CDH4: variants seen among roughly 807,000 people sequenced by gnomAD.
The protein encoded by CDH4 is cadherin-4.
CDH4 carries 33 observed loss-of-function variants against 86.0 expected under a neutral mutation model. The ratio of observed to expected loss-of-function variants is 0.38; its 90% CI spans 0.29 to 0.51. The LOEUF (loss-of-function observed/expected upper bound fraction) is 0.51, where lower values mean the gene tolerates loss of function less well. Ranked by LOEUF, CDH4 falls within the 20% of genes least tolerant of loss-of-function variation. The pLI is 0.86. For synonymous variants in CDH4, 555 were observed against 549.4 expected (o/e 1.01, Z -0.14); for missense variants, 1,114 against 1,307.4 (o/e 0.85, Z 2.28).
Position 61,406,229 on chromosome 20 carries a change from G to A in CDH4, c.169+151292G>A, listed in dbSNP as rs373502744. On this transcript the variant is annotated intron_variant, in intron 2 of 15. Transcript: ENST00000614565. ...CCCCAGACCACCATCTGCTCTACCC[G>A]GACCACCATCTGCTCTACCCGGACC... is the stretch of plus-strand genomic sequence containing the variant. 3.4e-5 allele frequency among the ~76,000 whole-genome samples: 5 copies of A among 146,576 alleles called. No homozygotes were observed. The East Asian group carries it at 5.9e-4, about 17-fold the overall frequency.
At chr20:61,569,972 C>T (rs1294342766) in intron 2 of CDH4, among the ~76,000 whole-genome samples, 5 of 152,186 alleles carry the variant, frequency 3.3e-5, no homozygotes, top group African/African-American at 1.2e-4. Context: ...CTGGGTAAAA[C>T]ACTCCTCTCT....
Position 61,393,943 on chromosome 20 carries a change from A to C in CDH4, c.169+139006A>C, listed in dbSNP as rs1177418399. Among the ~76,000 whole-genome samples, 1 of 152,168 alleles carries C rather than the reference A, an allele frequency of 6.6e-6. No individual in the cohort carries two copies. Among genetic ancestry groups the C allele is most frequent in the Non-Finnish European group, 1.5e-5 (1 of 68,040 alleles). ...TTAACATCATCATAATGACTGCCCC[A>C]TATTCTATTATACCAATGTAATCTA... is the stretch of plus-strand genomic sequence containing the variant. On this transcript the variant is annotated intron_variant, in intron 2 of 15. Transcript: ENST00000614565. The surrounding 1 kb of genome is among the most constrained non-coding windows in gnomAD (Gnocchi z 4.3).
At chr20:61,793,815 G>A (rs1979357912) in intron 4 of CDH4, among the ~76,000 whole-genome samples, 1 of 147,428 alleles carries the variant, frequency 6.8e-6, no homozygotes, top group African/African-American at 2.5e-5. Flanking sequence ...CTCCAGCTTG[G>A]GCGACAGAGT....
intron 2 of CDH4, among the ~76,000 whole-genome samples, chr20:61,334,259 A>T (rs1426566800): frequency 6.6e-6 from 1 of 152,190 alleles, no homozygotes; most frequent in African/African-American, 2.4e-5. Flanking sequence ...CTCATGGAGT[A>T]CTTCCTATTT....
intron 2 of CDH4, among the ~76,000 whole-genome samples, chr20:61,342,707 G>A (rs1359215744): frequency 3.3e-5 from 5 of 152,310 alleles, no homozygotes; most frequent in African/African-American, 1.2e-4. Flanking sequence ...CCCTGGCTGG[G>A]AAGGATGGGC....
chr20:61,575,231 C>T (rs1052146367), intron 2 of CDH4, among the ~76,000 whole-genome samples: 1 of 152,206 alleles, frequency 6.6e-6, no homozygotes, highest in Admixed American at 6.5e-5. Flanking sequence ...GTTGACTCTT[C>T]AGTCATGATG....
intron 2 of CDH4, among the ~76,000 whole-genome samples, chr20:61,639,764 C>G (rs2086986072): frequency 6.6e-6 from 1 of 152,002 alleles, no homozygotes; most frequent in Non-Finnish European, 1.5e-5. Context: ...ACTCTTGGAT[C>G]TGTGAACAGC....
intron 2 of CDH4, among the ~76,000 whole-genome samples, chr20:61,473,868 A>T (rs551770522): frequency 6.6e-6 from 1 of 152,216 alleles, no homozygotes; most frequent in South Asian, 2.1e-4. Context: ...CTCTTTTTAC[A>T]GCCATGTCAA....
intron 2 of CDH4, among the ~76,000 whole-genome samples, chr20:61,613,943 T>A (rs949367864): frequency 1.3e-5 from 2 of 152,148 alleles, no homozygotes; most frequent in Non-Finnish European, 1.5e-5. Context: ...TGTTTGTATG[T>A]CTTGGGTTCC....
chr20:61,506,584 A>G (rs1600718094), intron 2 of CDH4, among the ~76,000 whole-genome samples: 1 of 152,378 alleles, frequency 6.6e-6, no homozygotes, highest in East Asian at 1.9e-4. Context: ...AATTGTATCA[A>G]AGAATTAATT....
chr20:61,289,053 T>G (rs2084307846), intron 2 of CDH4, among the ~76,000 whole-genome samples: 1 of 152,258 alleles, frequency 6.6e-6, no homozygotes, highest in African/African-American at 2.4e-5. Context: ...AAGCACACTC[T>G]TCTTTAGAAG....
At chr20:61,282,938 G>C (rs2084269189) in intron 2 of CDH4, among the ~76,000 whole-genome samples, 1 of 54,974 alleles carries the variant, frequency 1.8e-5, no homozygotes, top group African/African-American at 5.2e-5. Flanking sequence ...TTGCACGCGT[G>C]TGCTGTGGCG....
chr20:61,455,201 C>T (rs1041071660), intron 2 of CDH4, among the ~76,000 whole-genome samples: 3 of 152,192 alleles, frequency 2.0e-5, no homozygotes, highest in Admixed American at 1.3e-4. Context: ...TCAAGTCCAA[C>T]TTTGAGATAC....
chr20:61,859,805 A>T (rs1000603431), intron 6 of CDH4, among the ~76,000 whole-genome samples: 2 of 152,252 alleles, frequency 1.3e-5, no homozygotes, highest in African/African-American at 4.8e-5. Context: ...TGCCGGGTGG[A>T]GGGATGGCTT....
chr20:61,548,180 T>G (rs771190228), intron 2 of CDH4, among the ~76,000 whole-genome samples: 3 of 152,112 alleles, frequency 2.0e-5, no homozygotes, highest in Non-Finnish European at 2.9e-5. Flanking sequence ...TATAAGAGGT[T>G]TCTGTGCATG....
intron 7 of CDH4, among the ~76,000 whole-genome samples, chr20:61,876,068 C>G (rs1984010165): frequency 6.6e-6 from 1 of 152,258 alleles, no homozygotes; most frequent in South Asian, 2.1e-4. Flanking sequence ...TGTCCACACA[C>G]TCCCACACAC....
intron 15 of CDH4, among the ~76,000 whole-genome samples, chr20:61,935,156 G>A (rs1314215674): frequency 6.6e-6 from 1 of 152,212 alleles, no homozygotes; most frequent in Admixed American, 6.5e-5. Context: ...GTGAGCCCCT[G>A]TGGTTTCATC....
rs186156749 is a variant in CDH4 at position 61,804,172 on chromosome 20, G to A, written c.576+30990G>A. ...AGGATGTCGGTCCTGCCTGCATGGCGGCCTGAGAGCCGCCCGAACTGCTGT... is the reference window on the plus strand; with the variant it reads ...AGGATGTCGGTCCTGCCTGCATGGCAGCCTGAGAGCCGCCCGAACTGCTGT... On this transcript the variant is annotated intron_variant, in intron 4 of 15. Coordinates refer to ENST00000614565, the MANE Select transcript of CDH4 (RefSeq NM_001794.5). Among the ~76,000 whole-genome samples the A allele has an allele frequency of 2.2e-3, 336 of 152,342 alleles. 1 individual carries two copies. The highest frequency in any genetic ancestry group is 6.7e-3 in the African/African-American group (280 of 41,584).
At chr20:61,339,060 A>G (rs1033921661) in intron 2 of CDH4, among the ~76,000 whole-genome samples, 2 of 152,230 alleles carry the variant, frequency 1.3e-5, no homozygotes, top group African/African-American at 2.4e-5. Flanking sequence ...ACACGCACAC[A>G]CCCCCCATAT....
Sources: allele counts gnomAD v4.1 joint callset (sites outside exome capture counted in the v4.1 genomes callset), GRCh38; gene constraint gnomAD v4.1.1; non-coding constraint Gnocchi (gnomAD v3.1); transcripts MANE v1.5; gene names NCBI Gene and HGNC (gene_info 2026-07-23, HGNC 2026-07-21).